The following ESR1 variants were observed in gnomAD, a reference collection of about 807,000 sequenced individuals.
The protein encoded by ESR1 is estrogen receptor.
In ESR1, 12 loss-of-function variants were observed where a neutral mutation model predicts 52.7. That is an observed-to-expected ratio of 0.23 (90% CI 0.15 to 0.37). ESR1 has a LOEUF of 0.37. ESR1 is among the 10% of genes least tolerant of loss of function. ESR1 has a pLI of 1.00. For synonymous variants in ESR1, 305 were observed against 316.8 expected (o/e 0.96, Z 0.39); for missense variants, 584 against 779.7 (o/e 0.75, Z 2.99).
chr6:152,043,454 T>G (rs757944550), intron 5 of ESR1, among the ~76,000 whole-genome samples: 5 of 152,122 alleles, frequency 3.3e-5, no homozygotes, highest in Non-Finnish European at 7.4e-5. Context: ...TCTTTTGGAG[T>G]GTAGCGCACC....
In ESR1 at chr6:152,108,382, A is replaced by G. The variant is rs1454970940; in HGVS notation, c.851-16884A>G. On this transcript the variant is annotated intron_variant, in intron 6 of 6. Coordinates refer to the ESR1 transcript ENST00000427531. ...CACAAATCTGCACTGTACTTATACA[A>G]ATTTCAGCAATTTTTCAATATAAAC... Among the ~76,000 whole-genome samples the G allele has an allele frequency of 2.6e-5, 4 of 152,370 alleles. No homozygotes were observed. In the South Asian group the frequency reaches 8.3e-4, roughly 32 times the overall value.
intron 1 of ESR1, among the ~76,000 whole-genome samples, chr6:151,833,054 T>C (rs541517177): frequency 1.3e-5 from 2 of 152,318 alleles, no homozygotes; most frequent in Admixed American, 1.3e-4. Context: ...TAACTCTTTT[T>C]GGCTGCTACC....
intron 2 of ESR1, among the ~76,000 whole-genome samples, chr6:151,777,938 G>C (rs1471635475): frequency 6.6e-6 from 1 of 151,546 alleles, no homozygotes; most frequent in Non-Finnish European, 1.5e-5. Flanking sequence ...TCAGCCTGGG[G>C]AACAAGAGCG....
chr6:151,763,944 G>T lies in ESR1; in HGVS notation c.-70-43899G>T, dbSNP rs567890593. ...AGTGATGCCTGGAGGATGACAGGGC[G>T]ACAGGTAAGTTAGGGGGCTGGGAAG... On this transcript the variant is annotated intron_variant, in intron 2 of 2. Transcript: ENST00000404742. Among the ~76,000 whole-genome samples the T allele has an allele frequency of 9.9e-5, 15 of 152,250 alleles. No individual in the cohort carries two copies. In the East Asian group the frequency reaches 2.9e-3, roughly 29 times the overall value.
At chr6:151,785,081 T>A (rs1380626910) in intron 2 of ESR1, among the ~76,000 whole-genome samples, 1 of 152,256 alleles carries the variant, frequency 6.6e-6, no homozygotes, top group Admixed American at 6.5e-5. Context: ...GTGTCAACCA[T>A]ATCTTCAGAA....
chr6:151,680,103 G>A (rs766370358), intron 1 of ESR1, among the ~76,000 whole-genome samples: 2 of 152,006 alleles, frequency 1.3e-5, no homozygotes, highest in Non-Finnish European at 1.5e-5. Context: ...ATTTCCCACA[G>A]TTCTGGAGGG....
At chr6:152,079,806 T>C (rs2049042863) in intron 6 of ESR1, among the ~76,000 whole-genome samples, 1 of 152,206 alleles carries the variant, frequency 6.6e-6, no homozygotes. Context: ...AATGACCTGA[T>C]GGAGCTGAAA....
Position 151,807,998 on chromosome 6 carries a change from C to A in ESR1, c.86C>A (p.Pro29Gln), listed in dbSNP as rs1778151918. The change falls in exon 1 of 8, where the codon CCG becomes CAG. Residue 29 changes from proline (P) to glutamine (Q), a missense_variant. This residue lies in a region of ESR1 where 251 missense variants were observed against 246.1 expected (regional missense o/e 1.02). Coordinates refer to ENST00000206249, the MANE Select transcript of ESR1 (RefSeq NM_000125.4). ...QGNELEPLNR[P>Q]QLKIPLERPL... ...AACGAGCTGGAGCCCCTGAACCGTC[C>A]GCAGCTCAAGATCCCCCTGGAGCGG... 1 of 1,613,820 alleles carries A rather than the reference C, an allele frequency of 6.2e-7. No homozygotes were observed. The highest frequency in any genetic ancestry group is 1.3e-5 in the African/African-American group (1 of 74,928).
intron 5 of ESR1, among the ~76,000 whole-genome samples, chr6:152,050,720 A>G (rs1029146614): frequency 6.6e-6 from 1 of 152,296 alleles, no homozygotes; most frequent in African/African-American, 2.4e-5. Flanking sequence ...GAGATCATCA[A>G]TCCCATTCTT....
intron 2 of ESR1, among the ~76,000 whole-genome samples, chr6:151,847,921 G>A (rs548525001): frequency 9.2e-4 from 139 of 151,450 alleles, no homozygotes; most frequent in African/African-American, 2.9e-3. Flanking sequence ...TCAGTGTGGC[G>A]ATTCCTCAGG....
chr6:152,087,877 C>T (rs9341033), intron 6 of ESR1, among the ~76,000 whole-genome samples: 3 of 152,218 alleles, frequency 2.0e-5, no homozygotes, highest in Non-Finnish European at 4.4e-5. Context: ...GCTCCACCCT[C>T]AGCTTCCAAT....
chr6:151,721,275 G>A (rs1781440229), intron 2 of ESR1, among the ~76,000 whole-genome samples: 1 of 152,216 alleles, frequency 6.6e-6, no homozygotes, highest in African/African-American at 2.4e-5. Flanking sequence ...GACTTGGCAA[G>A]TTAGGGGAGT....
intron 2 of ESR1, among the ~76,000 whole-genome samples, chr6:151,740,924 C>G (rs532316548): frequency 6.6e-6 from 1 of 152,156 alleles, no homozygotes; most frequent in African/African-American, 2.4e-5. Context: ...TAAGCAGCAG[C>G]AGCTTTTCTA....
In ESR1 at chr6:151,842,732, T is replaced by C. The variant is rs556478419; in HGVS notation, c.588T>C (p.His196=). 2 of 1,613,936 alleles carry C rather than the reference T, an allele frequency of 1.2e-6. No individual in the cohort carries two copies. Among genetic ancestry groups the C allele is most frequent in the South Asian group, 1.1e-5 (1 of 91,082 alleles). ...AVCNDYASGY[H]YGVWSCEGCK... ...GCAATGACTATGCTTCAGGCTACCA[T>C]TATGGAGTCTGGTCCTGTGAGGGCT... is the stretch of plus-strand genomic sequence containing the variant. The change falls in exon 2 of 8, where the codon CAT becomes CAC. Residue 196 remains histidine (H), a synonymous_variant. Coordinates refer to ENST00000206249, the MANE Select transcript of ESR1 (RefSeq NM_000125.4).
chr6:151,664,159 A>G (rs1316901529), intron 1 of ESR1, among the ~76,000 whole-genome samples: 1 of 152,226 alleles, frequency 6.6e-6, no homozygotes, highest in East Asian at 1.9e-4. Context: ...CTTAGACTTG[A>G]GAAATTATAG....
upstream of ESR1, among the ~76,000 whole-genome samples, chr6:151,686,466 A>G (rs1055004939): frequency 6.6e-6 from 1 of 152,156 alleles, no homozygotes; most frequent in Non-Finnish European, 1.5e-5. Flanking sequence ...CGGCCGGATC[A>G]CGAGGTCAGC....
chr6:152,024,773 TA>T (rs1282147457), intron 5 of ESR1, among the ~76,000 whole-genome samples: 1 of 148,306 alleles, frequency 6.7e-6, no homozygotes, highest in Non-Finnish European at 1.5e-5. Context: ...TGTGTATCTA[TA>T]AATATACATA....
chr6:151,932,729 G>A (rs1352733086), intron 3 of ESR1, among the ~76,000 whole-genome samples: 5 of 151,996 alleles, frequency 3.3e-5, no homozygotes, highest in Non-Finnish European at 7.4e-5. Flanking sequence ...CCTGTTGCTT[G>A]TTTTTCTCAG....
At chr6:152,071,426 C>A (rs12199102) in intron 6 of ESR1, among the ~76,000 whole-genome samples, 7,888 of 152,148 alleles carry the variant, frequency 0.052, 261 homozygotes, top group Middle Eastern at 0.089. Flanking sequence ...ATTCCAAGAT[C>A]AAATCCCTTT....
Sources: allele counts gnomAD v4.1 joint callset (sites outside exome capture counted in the v4.1 genomes callset), GRCh38; gene constraint gnomAD v4.1.1; regional missense constraint gnomAD v4.1.1; transcripts MANE v1.5; gene names NCBI Gene and HGNC (gene_info 2026-07-23, HGNC 2026-07-21).